HSPBAP1: variants seen among roughly 807,000 people sequenced by gnomAD.
HSPBAP1 encodes HSPB1 associated protein 1, also known as HSPB1-associated protein 1.
In HSPBAP1, 27 loss-of-function variants were observed where a neutral mutation model predicts 45.2. The observed-to-expected ratio is 0.60, with a 90% confidence interval of 0.44 to 0.82. The LOEUF is 0.82. Among genes scored for constraint, HSPBAP1 ranks in the 40% least tolerant of loss-of-function variants. The pLI is 0.00. For synonymous variants in HSPBAP1, 204 were observed against 202.7 expected (o/e 1.01, Z -0.06); for missense variants, 510 against 590.9 (o/e 0.86, Z 1.42).
At chr3:122,764,434 GT>G (rs1450594665) in intron 3 of HSPBAP1, among the ~76,000 whole-genome samples, 1 of 152,082 alleles carries the variant, frequency 6.6e-6, no homozygotes, top group African/African-American at 2.4e-5. Flanking sequence ...AGTTTTTTAA[GT>G]TTTTACTTAT....
intron 3 of HSPBAP1, among the ~76,000 whole-genome samples, chr3:122,764,370 G>C (rs958740428): frequency 6.6e-6 from 1 of 152,146 alleles, no homozygotes; most frequent in East Asian, 1.9e-4. Flanking sequence ...TAGTTAATCA[G>C]TGTAGCATTT....
chr3:122,792,330 G>GA (rs1227728987), intron 1 of HSPBAP1, among the ~76,000 whole-genome samples: 4 of 152,114 alleles, frequency 2.6e-5, no homozygotes, highest in African/African-American at 9.7e-5. Context: ...AGTTTTGTCA[G>GA]AAAAAAGTGC....
At chr3:122,783,711 GTGAC>G (rs1447193283) in intron 1 of HSPBAP1, among the ~76,000 whole-genome samples, 1 of 152,344 alleles carries the variant, frequency 6.6e-6, no homozygotes, top group East Asian at 1.9e-4. Context: ...TTGTGGAAAA[GTGAC>G]TGGGAAGTTA....
chr3:122,760,412 G>A (rs1576249819), intron 3 of HSPBAP1, among the ~76,000 whole-genome samples: 1 of 151,596 alleles, frequency 6.6e-6, no homozygotes, highest in East Asian at 1.9e-4. Flanking sequence ...TCTCAATGCT[G>A]ACACTCCTTT....
intron 2 of HSPBAP1, among the ~76,000 whole-genome samples, chr3:122,777,073 A>C (rs1380608305): frequency 6.6e-6 from 1 of 152,220 alleles, no homozygotes; most frequent in Admixed American, 6.5e-5. Context: ...AAATTACCTA[A>C]ATTTTAGAGT....
intron 3 of HSPBAP1, among the ~76,000 whole-genome samples, chr3:122,763,914 C>G (rs1182329302): frequency 1.3e-5 from 2 of 152,246 alleles, no homozygotes; most frequent in East Asian, 3.8e-4. Context: ...CCAATCTCCC[C>G]ACTGACCTAT....
At position 122,747,868 on chromosome 3, in the gene HSPBAP1, C is replaced by G. The variant is rs528694151; in HGVS notation, c.825+4723G>C. ...GAGCCCCTGTGCCCGGCCGCCACCC[C>G]GTCTGGGAGGTGTACCCAACAGCTC... is the stretch of plus-strand genomic sequence containing the variant. On this transcript the variant is annotated intron_variant, in intron 6 of 7. Transcript: ENST00000306103. Among the ~76,000 whole-genome samples, 6 of 152,316 alleles carry G rather than the reference C, an allele frequency of 3.9e-5. No homozygotes were observed. The East Asian group carries it at 9.7e-4, about 25-fold the overall frequency.
intron 3 of HSPBAP1, among the ~76,000 whole-genome samples, chr3:122,767,048 G>A (rs888267451): frequency 6.6e-6 from 1 of 152,112 alleles, no homozygotes; most frequent in Non-Finnish European, 1.5e-5. Flanking sequence ...TATGAAACCT[G>A]TAAGTTCCAT....
intron 1 of HSPBAP1, among the ~76,000 whole-genome samples, chr3:122,790,252 G>A (rs1935783218): frequency 6.6e-6 from 1 of 152,076 alleles, no homozygotes; most frequent in Non-Finnish European, 1.5e-5. Context: ...TGAAACCCAT[G>A]ATTTCCCTCT....
At chr3:122,781,415 C>T (rs1197466432) in intron 1 of HSPBAP1, among the ~76,000 whole-genome samples, 3 of 151,572 alleles carry the variant, frequency 2.0e-5, no homozygotes, top group Admixed American at 6.6e-5. Flanking sequence ...ACCAGTCAGG[C>T]GTGGCGGCGC....
chr3:122,780,852 A>G (rs1344473634), intron 1 of HSPBAP1, among the ~76,000 whole-genome samples: 3 of 134,728 alleles, frequency 2.2e-5, no homozygotes, highest in South Asian at 2.6e-4. Context: ...GCGGCCGGGC[A>G]GAGACGCTCC....
At chr3:122,750,532 T>TATCTATCTATC (rs1934096033) in intron 6 of HSPBAP1, among the ~76,000 whole-genome samples, 1 of 151,782 alleles carries the variant, frequency 6.6e-6, no homozygotes, top group Non-Finnish European at 1.5e-5. Context: ...TCTATCTATC[T>TATCTATCTATC]ATCTATCTAT....
intron 6 of HSPBAP1, among the ~76,000 whole-genome samples, chr3:122,751,982 G>A (rs559826969): frequency 2.0e-5 from 3 of 152,314 alleles, no homozygotes; most frequent in East Asian, 3.9e-4. Flanking sequence ...CAGGGCCTCT[G>A]GTTAAAGAGA....
intron 3 of HSPBAP1, among the ~76,000 whole-genome samples, 176 bp from the exon 4 acceptor site, chr3:122,759,536 T>C (rs888104538): frequency 5.3e-5 from 8 of 152,218 alleles, no homozygotes; most frequent in African/African-American, 1.2e-4. Context: ...TTTTAGCCAA[T>C]AACATATTTG....
At chr3:122,786,742 T>C (rs1351348209) in intron 1 of HSPBAP1, among the ~76,000 whole-genome samples, 1 of 152,204 alleles carries the variant, frequency 6.6e-6, no homozygotes, top group Non-Finnish European at 1.5e-5. Flanking sequence ...GAGAGCACTA[T>C]GAAGTGTGTG....
chr3:122,779,263 G>C (rs1210887007), intron 1 of HSPBAP1, among the ~76,000 whole-genome samples: 1 of 151,260 alleles, frequency 6.6e-6, no homozygotes, highest in Non-Finnish European at 1.5e-5. Context: ...GGCTGGTCTT[G>C]AACTCCTGAC....
At chr3:122,751,736 T>A (rs1431074485) in intron 6 of HSPBAP1, among the ~76,000 whole-genome samples, 3 of 152,280 alleles carry the variant, frequency 2.0e-5, no homozygotes. Flanking sequence ...TAGGCGAAAT[T>A]TCTGTGACGC....
intron 3 of HSPBAP1, 57 bp downstream of exon 3, chr3:122,768,644 G>T: frequency 8.4e-7 from 1 of 1,184,910 alleles, no homozygotes; most frequent in Non-Finnish European, 1.2e-6. Context: ...ATTCTAATTT[G>T]TGTTCTTTTC....
At chr3:122,754,474 T>C (rs528471914) in intron 5 of HSPBAP1, 1 of 897,174 alleles carries the variant, frequency 1.1e-6, no homozygotes, top group Non-Finnish European at 1.3e-6. Flanking sequence ...TCAGGGGCTG[T>C]GGGGAGAGGG....
Sources: allele counts gnomAD v4.1 joint callset (sites outside exome capture counted in the v4.1 genomes callset), GRCh38; gene constraint gnomAD v4.1.1; transcripts MANE v1.5; gene names NCBI Gene and HGNC (gene_info 2026-07-23, HGNC 2026-07-21).